Variants in NTN1 observed in about 807,000 individuals in gnomAD.
The protein encoded by NTN1 is netrin 1, also known as netrin-1.
A neutral mutation model predicts 54.2 loss-of-function variants in NTN1; 11 were observed. The ratio of observed to expected loss-of-function variants is 0.20; its 90% CI spans 0.13 to 0.34. The LOEUF (loss-of-function observed/expected upper bound fraction) is 0.34, where lower values mean the gene tolerates loss of function less well. Among genes scored for constraint, NTN1 ranks in the 10% least tolerant of loss-of-function variants. The pLI, the probability that NTN1 is intolerant of heterozygous loss-of-function variation, is 1.00. For synonymous variants in NTN1, 371 were observed against 382.0 expected (o/e 0.97, Z 0.33); for missense variants, 740 against 893.1 (o/e 0.83, Z 2.18).
At chr17:9,056,949 C>T (rs977108173) in intron 2 of NTN1, among the ~76,000 whole-genome samples, 1 of 152,038 alleles carries the variant, frequency 6.6e-6, no homozygotes, top group Non-Finnish European at 1.5e-5. Context: ...TTGCTGTGTG[C>T]CCCCCGTCTC....
intron 2 of NTN1, among the ~76,000 whole-genome samples, chr17:9,074,868 C>T (rs944625668): frequency 2.0e-5 from 3 of 152,202 alleles, no homozygotes; most frequent in Non-Finnish European, 4.4e-5. Context: ...AGGCAAGTCT[C>T]AGGAATGTGT....
chr17:9,028,021 A>T (rs2091876862), intron 2 of NTN1, among the ~76,000 whole-genome samples: 1 of 150,804 alleles, frequency 6.6e-6, no homozygotes, highest in Admixed American at 6.6e-5. Context: ...GCTACTAGGG[A>T]GGCTGAGGCA....
At chr17:9,199,373 C>G (rs1398484885) in intron 5 of NTN1, among the ~76,000 whole-genome samples, 1 of 152,192 alleles carries the variant, frequency 6.6e-6, no homozygotes, top group African/African-American at 2.4e-5. Flanking sequence ...AAGTCCTGAC[C>G]TCAAATGATC....
chr17:9,024,278 T>G (rs1490466560), intron 2 of NTN1, among the ~76,000 whole-genome samples: 1 of 152,114 alleles, frequency 6.6e-6, no homozygotes, highest in Non-Finnish European at 1.5e-5. Flanking sequence ...CTGCAGAAGC[T>G]CTCAGAAATC....
chr17:9,166,396 C>A (rs952329880), intron 3 of NTN1, among the ~76,000 whole-genome samples: 4 of 135,194 alleles, frequency 3.0e-5, no homozygotes, highest in African/African-American at 1.1e-4. Flanking sequence ...GGCTGGAGTG[C>A]AGTGGTGCAA....
intron 5 of NTN1, among the ~76,000 whole-genome samples, chr17:9,186,580 G>T (rs1292324638): frequency 6.6e-6 from 1 of 152,226 alleles, no homozygotes; most frequent in African/African-American, 2.4e-5. Context: ...GCCCCAGCCT[G>T]GGGTGGGAGT....
intron 2 of NTN1, among the ~76,000 whole-genome samples, chr17:9,069,785 C>T (rs1037131416): frequency 6.6e-6 from 1 of 152,140 alleles, no homozygotes; most frequent in African/African-American, 2.4e-5. Context: ...GTGAGGTTGA[C>T]CCCGCATTAA....
intron 5 of NTN1, among the ~76,000 whole-genome samples, chr17:9,189,700 G>T (rs1305607306): frequency 2.0e-5 from 3 of 152,072 alleles, no homozygotes; most frequent in Non-Finnish European, 4.4e-5. Context: ...AAAATCCTAT[G>T]TAGTAACATC....
chr17:9,156,576 G>T (rs2092342919), intron 2 of NTN1, among the ~76,000 whole-genome samples: 1 of 152,282 alleles, frequency 6.6e-6, no homozygotes, highest in East Asian at 1.9e-4. Context: ...AGGGTCTTTT[G>T]GGGTGGGCCA....
intron 2 of NTN1, among the ~76,000 whole-genome samples, chr17:9,096,569 C>T (rs1023147248): frequency 1.6e-4 from 25 of 152,012 alleles, no homozygotes; most frequent in African/African-American, 5.8e-4. Flanking sequence ...GACGGGGTTT[C>T]ACCGTGTTAG....
chr17:9,101,959 G>A (rs1251607284), intron 2 of NTN1, among the ~76,000 whole-genome samples: 5 of 152,208 alleles, frequency 3.3e-5, no homozygotes, highest in Admixed American at 2.6e-4. Flanking sequence ...ACCCATCACT[G>A]CACGCCAGCC....
intron 3 of NTN1, among the ~76,000 whole-genome samples, chr17:9,172,583 C>T (rs539085787): frequency 6.6e-6 from 1 of 152,174 alleles, no homozygotes; most frequent in Non-Finnish European, 1.5e-5. Context: ...GTAAATGACT[C>T]TCAAAATTCA....
chr17:9,182,906 C>A lies in NTN1; in HGVS notation c.1358-10C>A, dbSNP rs1276746184. 2 of 1,614,096 alleles carry A rather than the reference C, an allele frequency of 1.2e-6. No homozygotes were observed. The highest frequency in any genetic ancestry group is 1.7e-6 in the Non-Finnish European group (2 of 1,179,954). On this transcript the variant is annotated splice_polypyrimidine_tract_variant and intron_variant, in intron 4 of 6. Transcript: ENST00000173229. ...CTCCTCCCCTCGCCCCCGTCTTGAA[C>A]CTCACAAAGAGATCCCTGTAGCGCC...
At chr17:9,039,038 C>T (rs1250476486) in intron 2 of NTN1, among the ~76,000 whole-genome samples, 1 of 152,116 alleles carries the variant, frequency 6.6e-6, no homozygotes, top group East Asian at 1.9e-4. Context: ...ATTTGAGATG[C>T]CATATTTATT....
intron 2 of NTN1, among the ~76,000 whole-genome samples, chr17:9,131,956 C>A (rs887083719): frequency 6.6e-6 from 1 of 151,332 alleles, no homozygotes; most frequent in Admixed American, 6.6e-5. Context: ...GCGCCCGCAA[C>A]CACGCCCGGC....
At chr17:9,121,547 C>T (rs1422895874) in intron 2 of NTN1, among the ~76,000 whole-genome samples, 1 of 152,168 alleles carries the variant, frequency 6.6e-6, no homozygotes, top group Non-Finnish European at 1.5e-5. Context: ...GCACTGTGAT[C>T]ACTGGCGCTC....
In NTN1 at chr17:9,199,999, A is replaced by C. The variant is rs139099056; in HGVS notation, c.1411+17030A>C. ...CCTAGATTTGGGTTGTAGGCAAGCT[A>C]AGCAAAGGCAACATTGGGTTCCAAG... On this transcript the variant is annotated intron_variant, in intron 5 of 6. Transcript: ENST00000173229. Among the ~76,000 whole-genome samples the C allele has an allele frequency of 3.2e-3, 484 of 152,354 alleles. 6 individuals carry two copies. The highest frequency in any genetic ancestry group is 0.02 in the Middle Eastern group (6 of 294).
At chr17:9,133,220 A>G (rs2092271094) in intron 2 of NTN1, among the ~76,000 whole-genome samples, 1 of 152,128 alleles carries the variant, frequency 6.6e-6, no homozygotes, top group African/African-American at 2.4e-5. Context: ...GGATGCCACC[A>G]CCGCCTTGGT....
At chr17:9,084,383 G>A (rs902473288) in intron 2 of NTN1, among the ~76,000 whole-genome samples, 2 of 152,228 alleles carry the variant, frequency 1.3e-5, no homozygotes, top group East Asian at 1.9e-4. Context: ...TCTAGTCATT[G>A]TGTGGGAGGG....
Sources: allele counts gnomAD v4.1 joint callset (sites outside exome capture counted in the v4.1 genomes callset), GRCh38; gene constraint gnomAD v4.1.1; transcripts MANE v1.5; gene names NCBI Gene and HGNC (gene_info 2026-07-23, HGNC 2026-07-21).